HS6ST1: variants seen among roughly 807,000 people sequenced by gnomAD.
HS6ST1 encodes the protein heparan sulfate 6-O-sulfotransferase 1.
Under a neutral mutation model 25.2 loss-of-function variants are expected in HS6ST1, and 3 were observed. The observed-to-expected ratio is 0.12, with a 90% CI of 0.05 to 0.31. The LOEUF is 0.31. Ranked by LOEUF, HS6ST1 falls within the 10% of genes least tolerant of loss-of-function variation. The pLI is 1.00. For synonymous variants in HS6ST1, 204 were observed against 275.1 expected (o/e 0.74, Z 2.56); for missense variants, 310 against 609.6 (o/e 0.51, Z 5.18).
At chr2:128,270,161 C>T (rs944051106) in intron 1 of HS6ST1, among the ~76,000 whole-genome samples, 5 of 152,168 alleles carry the variant, frequency 3.3e-5, no homozygotes, top group South Asian at 2.1e-4. Context: ...TGCAGACTGC[C>T]GAGGAAGGGA....
At chr2:128,273,565 T>C (rs1290802795) in intron 1 of HS6ST1, among the ~76,000 whole-genome samples, 2 of 152,222 alleles carry the variant, frequency 1.3e-5, no homozygotes, top group African/African-American at 4.8e-5. Flanking sequence ...TCCAGTCCCA[T>C]GCCCAACACG....
chr2:128,268,096 A>G lies in HS6ST1; in HGVS notation c.*66T>C. 1 of 1,128,726 alleles carries G rather than the reference A, an allele frequency of 8.9e-7. No homozygotes were observed. The highest frequency in any genetic ancestry group is 2.6e-5 in the East Asian group (1 of 39,016). The allele number at this position is 1,128,726 out of a possible 1,614,324, so 69.9% of individuals were successfully genotyped here. A position where few individuals can be genotyped will look rare whatever the true frequency, so the allele number is the denominator to read the frequency against. ...CTCATCCCTTGACAGTCTTGGGTGG[A>G]CCTGTCGTCTGTCCTGTTTTATCCC... On this transcript the variant is annotated 3_prime_UTR_variant, in exon 2 of 2. Transcript: ENST00000259241.
Position 128,318,372 on chromosome 2 carries a change from G to A in HS6ST1, c.192C>T (p.Tyr64=). 6.2e-7 allele frequency: 1 copy of A among 1,611,238 alleles called. No homozygotes were observed. Among genetic ancestry groups the A allele is most frequent in the Non-Finnish European group, 8.5e-7 (1 of 1,179,250 alleles). ...LDLFPTPDPH[Y]EKKYYFPVRE... The stretch of plus-strand genomic sequence containing the variant: ...GGACCGGGAAGTAGTACTTCTTCTC[G>A]TAGTGGGGGTCGGGTGTGGGGAACA... The change falls in exon 1 of 2, where the codon TAC becomes TAT. Residue 64 remains tyrosine, a synonymous_variant. Transcript: ENST00000259241. This position sits in a 1 kb window ranked among gnomAD's most constrained non-coding sequence, Gnocchi z 5.7.
rs1693538258 is a variant in HS6ST1, at chr2:128,267,556, C to A, written c.*606G>T. On this transcript the variant is annotated 3_prime_UTR_variant, in exon 2 of 2. Coordinates refer to ENST00000259241, the MANE Select transcript of HS6ST1 (RefSeq NM_004807.3). ...ACCATGGGCCAGAGAGGGGAGCAGG[C>A]TTCCTGGGGGCTGGACTCGAGTCTT... 1 of 156,288 alleles carries A rather than the reference C, an allele frequency of 6.4e-6. No individual in the cohort carries two copies. The highest frequency in any genetic ancestry group is 1.4e-5 in the Non-Finnish European group (1 of 70,476). The allele number at this position is 156,288 out of a possible 1,614,324, so 9.7% of individuals were successfully genotyped here.
intron 1 of HS6ST1, among the ~76,000 whole-genome samples, chr2:128,285,338 C>A (rs150099907): frequency 1.3e-5 from 2 of 152,152 alleles, no homozygotes; most frequent in African/African-American, 4.8e-5. Context: ...CCACTCCCTA[C>A]GTGGGAAGGG....
intron 1 of HS6ST1, among the ~76,000 whole-genome samples, chr2:128,307,124 A>C (rs1297499546): frequency 1.3e-5 from 2 of 151,730 alleles, no homozygotes; most frequent in Admixed American, 6.6e-5. Context: ...TCTCAAAGGG[A>C]CTCCAACACA....
intron 1 of HS6ST1, among the ~76,000 whole-genome samples, chr2:128,287,304 G>A (rs973113293): frequency 6.6e-6 from 1 of 152,186 alleles, no homozygotes; most frequent in Non-Finnish European, 1.5e-5. Context: ...CCCAGAGAAG[G>A]TGCAGGTGAG....
At chr2:128,275,459 A>T (rs895450325) in intron 1 of HS6ST1, among the ~76,000 whole-genome samples, 1 of 152,254 alleles carries the variant, frequency 6.6e-6, no homozygotes, top group African/African-American at 2.4e-5. Context: ...AAAGCCACAA[A>T]TGGTTGTCTG....
In HS6ST1 at chr2:128,317,999, G is replaced by T. The variant is rs1174551254; in HGVS notation, c.527+38C>A. The T allele has an allele frequency of 4.9e-6, 7 of 1,414,470 alleles. No homozygotes were observed. In the Admixed American group the frequency reaches 1.0e-4, roughly 20 times the overall value. 87.6% of individuals were successfully genotyped at this position (1,414,470 alleles called of 1,614,324 possible). On this transcript the variant is annotated intron_variant, in intron 1 of 1. Coordinates refer to ENST00000259241, the MANE Select transcript of HS6ST1 (RefSeq NM_004807.3). The stretch of plus-strand genomic sequence containing the variant: ...GCGGGCATACGGCCCGGCCTCGGGG[G>T]CGCAGCTGCGCGAGGATCCCGCCGC...
At chr2:128,279,134 T>A (rs1347408172) in intron 1 of HS6ST1, among the ~76,000 whole-genome samples, 1 of 80,360 alleles carries the variant, frequency 1.2e-5, no homozygotes, top group East Asian at 4.7e-4. Context: ...GGGTGAGCCC[T>A]GTTCCTCAGG....
intron 1 of HS6ST1, among the ~76,000 whole-genome samples, chr2:128,288,010 T>C (rs12469358): frequency 0.2 from 30,030 of 152,062 alleles, 4,263 homozygotes; most frequent in East Asian, 0.76. Context: ...TACCTTGGGG[T>C]CAGGAGAAGG....
chr2:128,312,647 C>T (rs750942709), intron 1 of HS6ST1, among the ~76,000 whole-genome samples: 6 of 152,188 alleles, frequency 3.9e-5, no homozygotes, highest in Non-Finnish European at 7.3e-5. Context: ...CTGGGCATGG[C>T]TGCTCCCAAG....
intron 1 of HS6ST1, among the ~76,000 whole-genome samples, chr2:128,308,581 T>C (rs1694245550): frequency 1.3e-5 from 2 of 152,218 alleles, no homozygotes; most frequent in South Asian, 4.1e-4. Context: ...CTCTACATCC[T>C]GGCTGCTGGC....
At chr2:128,312,545 A>G (rs1694307639) in intron 1 of HS6ST1, among the ~76,000 whole-genome samples, 1 of 152,160 alleles carries the variant, frequency 6.6e-6, no homozygotes, top group East Asian at 1.9e-4. Flanking sequence ...GGGCACCCAG[A>G]GAGGGTGCAC....
intron 1 of HS6ST1, among the ~76,000 whole-genome samples, chr2:128,297,913 A>G (rs1278670763): frequency 6.6e-6 from 1 of 152,226 alleles, no homozygotes; most frequent in African/African-American, 2.4e-5. Flanking sequence ...CAACCCACAG[A>G]ATGGAAGAAA....
chr2:128,300,151 C>T (rs1694101770), intron 1 of HS6ST1, among the ~76,000 whole-genome samples: 1 of 152,234 alleles, frequency 6.6e-6, no homozygotes, highest in Non-Finnish European at 1.5e-5. Flanking sequence ...CAAGCACACT[C>T]CAAGCTCCTG....
At chr2:128,307,368 G>A (rs1309580026) in intron 1 of HS6ST1, among the ~76,000 whole-genome samples, 2 of 152,218 alleles carry the variant, frequency 1.3e-5, no homozygotes, top group South Asian at 2.1e-4. Flanking sequence ...ATGGGGTTCA[G>A]AGGTCAGCAG....
Position 128,300,990 on chromosome 2 carries a change from G to C in HS6ST1, c.527+17047C>G, listed in dbSNP as rs549058186. On this transcript the variant is annotated intron_variant, in intron 1 of 1. Coordinates refer to ENST00000259241, the MANE Select transcript of HS6ST1 (RefSeq NM_004807.3). ...TTGTCATTAGCTGGGGAGGGCAAAA[G>C]AAAGGAATGGGAGCCCTGGGTCACA... Among the ~76,000 whole-genome samples, 7 of 152,374 alleles carry C rather than the reference G, an allele frequency of 4.6e-5. No homozygotes were observed. In the South Asian group the frequency reaches 1.2e-3, roughly 27 times the overall value.
chr2:128,288,416 C>G (rs1015914610), intron 1 of HS6ST1, among the ~76,000 whole-genome samples: 1 of 152,180 alleles, frequency 6.6e-6, no homozygotes, highest in South Asian at 2.1e-4. Context: ...TACCTACGCC[C>G]GGTGACTCCA....
Sources: allele counts gnomAD v4.1 joint callset (sites outside exome capture counted in the v4.1 genomes callset), GRCh38; gene constraint gnomAD v4.1.1; non-coding constraint Gnocchi (gnomAD v3.1); transcripts MANE v1.5; gene names NCBI Gene and HGNC (gene_info 2026-07-23, HGNC 2026-07-21).